The following ATP8A2 variants were observed in gnomAD, a reference collection of about 807,000 sequenced individuals.
ATP8A2 encodes phospholipid-transporting ATPase IB.
Under a neutral mutation model 165.6 loss-of-function variants are expected in ATP8A2, and 100 were observed. That is an observed-to-expected ratio of 0.60 (90% CI 0.51 to 0.71). The LOEUF (loss-of-function observed/expected upper bound fraction) is 0.71, where lower values mean the gene tolerates loss of function less well. ATP8A2 is among the 30% of genes least tolerant of loss of function. The pLI is 0.00. For missense variants in ATP8A2, 1,227 were observed against 1,479.5 expected (o/e 0.83, Z 2.80); for synonymous variants, 543 against 548.8 (o/e 0.99, Z 0.15).
At chr13:25,707,305 A>G (rs1236278988) in intron 25 of ATP8A2, among the ~76,000 whole-genome samples, 2 of 152,206 alleles carry the variant, frequency 1.3e-5, no homozygotes, top group African/African-American at 4.8e-5. Flanking sequence ...CATCTTAAAT[A>G]CCTATTGCAG....
intron 1 of ATP8A2, among the ~76,000 whole-genome samples, chr13:25,465,422 A>G (rs1163382218): frequency 1.3e-5 from 2 of 152,130 alleles, no homozygotes; most frequent in Non-Finnish European, 2.9e-5. Flanking sequence ...TGCTAGGTAG[A>G]TAAGTGGGAG....
At chr13:25,448,838 T>A (rs968166451) in intron 1 of ATP8A2, among the ~76,000 whole-genome samples, 9 of 152,136 alleles carry the variant, frequency 5.9e-5, no homozygotes, top group African/African-American at 1.4e-4. Context: ...TTTTAATTTT[T>A]ATTTTTAGTA....
chr13:25,559,448 C>T (rs530890248), intron 14 of ATP8A2, among the ~76,000 whole-genome samples: 1 of 152,178 alleles, frequency 6.6e-6, no homozygotes, highest in Non-Finnish European at 1.5e-5. Flanking sequence ...AGGAGAATCG[C>T]TTGAACTTGG....
chr13:25,817,576 G>C (rs532678574), intron 27 of ATP8A2, among the ~76,000 whole-genome samples: 17 of 152,234 alleles, frequency 1.1e-4, no homozygotes, highest in South Asian at 1.0e-3. Context: ...CCAGACTAAA[G>C]TAAAAAATGT....
intron 1 of ATP8A2, among the ~76,000 whole-genome samples, chr13:25,408,934 ATAGT>A (rs1018127228): frequency 2.0e-5 from 3 of 152,268 alleles, no homozygotes; most frequent in South Asian, 2.1e-4. Flanking sequence ...AATTATAATA[ATAGT>A]TAGAGAAATA....
intron 24 of ATP8A2, among the ~76,000 whole-genome samples, chr13:25,617,464 G>A (rs931362264): frequency 1.3e-5 from 2 of 152,134 alleles, no homozygotes; most frequent in African/African-American, 4.8e-5. Flanking sequence ...CATTATTTCA[G>A]TTCCCTCTGA....
At chr13:25,900,623 G>T (rs564575592) in intron 33 of ATP8A2, among the ~76,000 whole-genome samples, 1 of 152,318 alleles carries the variant, frequency 6.6e-6, no homozygotes, top group Admixed American at 6.5e-5. Context: ...ACACTGAGGC[G>T]TGTTCAACCT....
chr13:25,487,304 A>G (rs918271319), intron 2 of ATP8A2, among the ~76,000 whole-genome samples: 12 of 152,144 alleles, frequency 7.9e-5, no homozygotes, highest in African/African-American at 2.9e-4. Flanking sequence ...TCGATGATAT[A>G]TAGATCAGGT....
Position 25,769,049 on chromosome 13 carries a change from G to C in ATP8A2, c.2388G>C (p.Val796=). Residue 796 remains valine, a synonymous_variant, in exon 26 of 37, where the codon GTG becomes GTC. Transcript: ENST00000381655. ...LSCKAVICCR[V]SPLQKSEIVD... ...ATTTCCCTCTCTTTTCTCACAGAGT[G>C]TCTCCTCTGCAGAAGTCTGAGATAG... is the stretch of plus-strand genomic sequence containing the variant. The C allele has an allele frequency of 6.2e-7, 1 of 1,614,044 alleles. No homozygotes were observed. The highest frequency in any genetic ancestry group is 8.5e-7 in the Non-Finnish European group (1 of 1,179,906).
chr13:25,617,572 G>A (rs2040858829), intron 24 of ATP8A2, among the ~76,000 whole-genome samples: 1 of 152,118 alleles, frequency 6.6e-6, no homozygotes, highest in South Asian at 2.1e-4. Context: ...TTTAAGTTCG[G>A]TACAGAAACA....
At chr13:25,441,288 T>C (rs1473666405) in intron 1 of ATP8A2, among the ~76,000 whole-genome samples, 2 of 152,192 alleles carry the variant, frequency 1.3e-5, no homozygotes, top group African/African-American at 4.8e-5. Flanking sequence ...TTGGTGAAAG[T>C]CATAACTGAT....
chr13:25,947,420 T>G (rs1359808517), intron 33 of ATP8A2, among the ~76,000 whole-genome samples: 2 of 152,060 alleles, frequency 1.3e-5, no homozygotes, highest in African/African-American at 4.8e-5. Flanking sequence ...CTGCTTGCCT[T>G]TAGCACTGGT....
At chr13:25,576,956 C>T in intron 19 of ATP8A2, 113 bp from the exon 20 acceptor site, 6 of 769,276 alleles carry the variant, frequency 7.8e-6, no homozygotes, top group South Asian at 6.7e-5. Context: ...GAAAGATAGA[C>T]CTTGTTCATT....
chr13:25,420,935 T>C (rs1245438189), intron 1 of ATP8A2, among the ~76,000 whole-genome samples: 1 of 152,190 alleles, frequency 6.6e-6, no homozygotes, highest in South Asian at 2.1e-4. Context: ...TCTACCTACT[T>C]TAAGAAATTA....
chr13:25,383,050 C>G (rs2032909679), intron 1 of ATP8A2, among the ~76,000 whole-genome samples: 1 of 146,622 alleles, frequency 6.8e-6, no homozygotes, highest in Non-Finnish European at 1.5e-5. Context: ...CCACCACACC[C>G]AGCCTTTTCT....
At chr13:25,493,789 T>C (rs2036594136) in intron 2 of ATP8A2, among the ~76,000 whole-genome samples, 1 of 152,100 alleles carries the variant, frequency 6.6e-6, no homozygotes, top group Non-Finnish European at 1.5e-5. Flanking sequence ...AGGGATGATC[T>C]CTGTTTCAGG....
chr13:25,729,540 T>A (rs1487790890), intron 25 of ATP8A2, among the ~76,000 whole-genome samples: 1 of 152,202 alleles, frequency 6.6e-6, no homozygotes, highest in African/African-American at 2.4e-5. Context: ...TGGATTTGGG[T>A]CTGAGTCCAA....
intron 35 of ATP8A2, among the ~76,000 whole-genome samples, chr13:25,971,749 T>C (rs1480238687): frequency 1.3e-5 from 2 of 151,934 alleles, no homozygotes; most frequent in Non-Finnish European, 2.9e-5. Flanking sequence ...GAGGGGGCAG[T>C]TTATCTCATT....
At chr13:25,456,733 A>G (rs488122) in intron 1 of ATP8A2, among the ~76,000 whole-genome samples, 70,444 of 152,064 alleles carry the variant, frequency 0.46, 16,500 homozygotes, top group East Asian at 0.69. Context: ...GTGCTTTGAA[A>G]GCAGGGAGAG....
Sources: allele counts gnomAD v4.1 joint callset (sites outside exome capture counted in the v4.1 genomes callset), GRCh38; gene constraint gnomAD v4.1.1; transcripts MANE v1.5; gene names NCBI Gene and HGNC (gene_info 2026-07-23, HGNC 2026-07-21).